The following NELL1 variants were observed in gnomAD, a reference collection of about 807,000 sequenced individuals.
NELL1 encodes the protein protein kinase C-binding protein NELL1.
In NELL1, 76 loss-of-function variants were observed where a neutral mutation model predicts 107.4. The observed-to-expected ratio is 0.71, with a 90% CI of 0.59 to 0.86. NELL1 has a LOEUF of 0.86. Ranked by LOEUF, NELL1 falls within the 40% of genes least tolerant of loss-of-function variation. The probability of loss-of-function intolerance (pLI) is 0.00; values close to 1 mark genes in which losing one functional copy is unlikely to be tolerated. For missense variants in NELL1, 1,024 were observed against 1,005.5 expected (o/e 1.02, Z -0.25); for synonymous variants, 353 against 341.2 (o/e 1.03, Z -0.38).
At chr11:21,051,864 A>G (rs1853501047) in intron 12 of NELL1, among the ~76,000 whole-genome samples, 1 of 152,162 alleles carries the variant, frequency 6.6e-6, no homozygotes, top group Non-Finnish European at 1.5e-5. Flanking sequence ...AGACTGAGAA[A>G]AATCCCTGCT....
intron 13 of NELL1, among the ~76,000 whole-genome samples, chr11:21,221,032 G>C (rs891640353): frequency 5.3e-5 from 8 of 152,054 alleles, no homozygotes; most frequent in Non-Finnish European, 1.0e-4. Flanking sequence ...TATTGTGTCT[G>C]GGTATGCTGA....
intron 4 of NELL1, 102 bp downstream of exon 4, chr11:20,847,855 C>A: frequency 8.1e-7 from 1 of 1,229,422 alleles, no homozygotes; most frequent in Non-Finnish European, 1.1e-6. Flanking sequence ...AGGAAACAAA[C>A]ACCAAGGGAC....
intron 12 of NELL1, among the ~76,000 whole-genome samples, chr11:21,012,313 T>G (rs1258322468): frequency 6.6e-6 from 1 of 152,146 alleles, no homozygotes; most frequent in African/African-American, 2.4e-5. Context: ...TTCAGAGTTG[T>G]TCTCCCTGCC....
At chr11:21,364,127 C>A (rs2133742650) in intron 14 of NELL1, among the ~76,000 whole-genome samples, 1 of 152,116 alleles carries the variant, frequency 6.6e-6, no homozygotes, top group East Asian at 1.9e-4. Flanking sequence ...TAAAAGACTT[C>A]AGGCCAGGCG....
At chr11:20,956,645 CAA>C (rs541321546) in intron 11 of NELL1, among the ~76,000 whole-genome samples, 35 of 89,380 alleles carry the variant, frequency 3.9e-4, no homozygotes, top group East Asian at 1.0e-3. Context: ...GACTCCATCT[CAA>C]AAAAAAAAAA....
At position 21,024,357 on chromosome 11, in the gene NELL1, C is replaced by A. The variant is rs559777560; in HGVS notation, c.1300+63797C>A. Among the ~76,000 whole-genome samples, 12 of 151,946 alleles carry A rather than the reference C, an allele frequency of 7.9e-5. No homozygotes were observed. In the East Asian group the frequency reaches 2.3e-3, roughly 30 times the overall value. On this transcript the variant is annotated intron_variant, in intron 12 of 19. Coordinates refer to ENST00000357134, the MANE Select transcript of NELL1 (RefSeq NM_006157.5). The stretch of plus-strand genomic sequence containing the variant: ...TTGTCTGTTTTATGGCTTTGTTTAC[C>A]CAAAAGAGTCTTTGAAAATCTGTCA...
chr11:20,812,791 G>A (rs1462405498), intron 3 of NELL1, among the ~76,000 whole-genome samples: 3 of 151,606 alleles, frequency 2.0e-5, no homozygotes, highest in African/African-American at 2.4e-5. Flanking sequence ...GGCGGATCAC[G>A]AGGTCAGGAG....
At chr11:21,215,257 A>G (rs549671764) in intron 13 of NELL1, among the ~76,000 whole-genome samples, 1 of 152,284 alleles carries the variant, frequency 6.6e-6, no homozygotes, top group Non-Finnish European at 1.5e-5. Flanking sequence ...GTAAAGAAGG[A>G]CATGTTTGCT....
intron 14 of NELL1, among the ~76,000 whole-genome samples, chr11:21,285,762 A>G (rs1437046512): frequency 6.6e-6 from 1 of 152,200 alleles, no homozygotes; most frequent in African/African-American, 2.4e-5. Context: ...TTTACTTTCA[A>G]TCTTTCAAAG....
At position 20,763,331 on chromosome 11, in the gene NELL1, T is replaced by C. The variant is rs1469317370; in HGVS notation, c.185-20349T>C. On this transcript the variant is annotated intron_variant, in intron 2 of 19. Transcript: ENST00000357134. ...GTTGTCCTACCCTGGCACTCAGGCA[T>C]GGAGGAAAGTGAGAGCGACATTTTC... is the stretch of plus-strand genomic sequence containing the variant. 7.2e-5 allele frequency among the ~76,000 whole-genome samples: 11 copies of C among 152,136 alleles called. No individual in the cohort carries two copies. The East Asian group carries it at 2.1e-3, about 29-fold the overall frequency.
At chr11:21,182,170 C>A (rs10833475) in intron 13 of NELL1, among the ~76,000 whole-genome samples, 112,577 of 151,694 alleles carry the variant, frequency 0.74, 42,191 homozygotes, top group African/African-American at 0.82. Context: ...ACGGTGGCTC[C>A]TGCCTGTAAT....
At chr11:21,329,584 A>G (rs1322674860) in intron 14 of NELL1, among the ~76,000 whole-genome samples, 1 of 152,194 alleles carries the variant, frequency 6.6e-6, no homozygotes, top group Non-Finnish European at 1.5e-5. Flanking sequence ...CTTAGCATGA[A>G]TTCTATATAC....
chr11:21,227,811 T>G (rs2133881606), intron 13 of NELL1, among the ~76,000 whole-genome samples: 1 of 152,308 alleles, frequency 6.6e-6, no homozygotes, highest in South Asian at 2.1e-4. Context: ...TTTGGAAAAT[T>G]CAACTATTAA....
At chr11:20,724,804 C>T (rs529078467) in intron 2 of NELL1, among the ~76,000 whole-genome samples, 3 of 152,314 alleles carry the variant, frequency 2.0e-5, no homozygotes, top group South Asian at 4.1e-4. Context: ...CCCCACTCTG[C>T]CGGTACCAAT....
intron 15 of NELL1, among the ~76,000 whole-genome samples, chr11:21,516,907 C>T (rs1247444144): frequency 6.6e-6 from 1 of 151,804 alleles, no homozygotes; most frequent in African/African-American, 2.4e-5. Context: ...CAGGGTCAAG[C>T]AATTCTTCTA....
At chr11:21,227,662 G>A (rs1288383884) in intron 13 of NELL1, among the ~76,000 whole-genome samples, 2 of 152,134 alleles carry the variant, frequency 1.3e-5, no homozygotes, top group African/African-American at 4.8e-5. Flanking sequence ...TACTGTTTCT[G>A]GAGTGTGCCG....
At chr11:21,261,546 G>A (rs907415418) in intron 14 of NELL1, among the ~76,000 whole-genome samples, 6 of 151,766 alleles carry the variant, frequency 4.0e-5, no homozygotes, top group African/African-American at 1.5e-4. Flanking sequence ...AAAACTCTGT[G>A]AGGAAGATAC....
intron 12 of NELL1, among the ~76,000 whole-genome samples, chr11:20,963,590 C>G (rs1851331851): frequency 6.6e-6 from 1 of 152,072 alleles, no homozygotes; most frequent in Non-Finnish European, 1.5e-5. Flanking sequence ...GCCATTTCCC[C>G]AGCTCTCTCC....
intron 12 of NELL1, among the ~76,000 whole-genome samples, chr11:20,977,225 G>T (rs549608475): frequency 6.6e-6 from 1 of 151,162 alleles, no homozygotes; most frequent in East Asian, 1.9e-4. Context: ...GGCCCAGAGA[G>T]GTAAAGTGAC....
Sources: allele counts gnomAD v4.1 joint callset (sites outside exome capture counted in the v4.1 genomes callset), GRCh38; gene constraint gnomAD v4.1.1; transcripts MANE v1.5; gene names NCBI Gene and HGNC (gene_info 2026-07-23, HGNC 2026-07-21).